Variants in TMEM74 observed in about 807,000 individuals in gnomAD.
TMEM74 encodes the protein transmembrane protein 74.
In TMEM74, 13 loss-of-function variants were observed where a neutral mutation model predicts 18.1. That is an observed-to-expected ratio of 0.72 (90% CI 0.47 to 1.14). The LOEUF (loss-of-function observed/expected upper bound fraction) is 1.14, where lower values mean the gene tolerates loss of function less well. TMEM74 is among the 50% of genes most tolerant of loss of function. The probability of loss-of-function intolerance (pLI) is 0.00; values close to 1 mark genes in which losing one functional copy is unlikely to be tolerated. For missense variants in TMEM74, 372 were observed against 375.9 expected (o/e 0.99, Z 0.09); for synonymous variants, 159 against 146.6 (o/e 1.08, Z -0.61).
chr8:108,703,592 A>T (rs372031919), intron 1 of TMEM74, among the ~76,000 whole-genome samples: 28 of 152,238 alleles, frequency 1.8e-4, no homozygotes, highest in Middle Eastern at 3.2e-3. Flanking sequence ...GAACCCTAAA[A>T]AAAGAGAAGC....
In TMEM74 at chr8:108,614,261, T is replaced by C. The variant is rs540872908; in HGVS notation, n.265-5435A>G. On this transcript the variant is annotated intron_variant and non_coding_transcript_variant, in intron 2 of 3. Transcript: ENST00000518838. Reference sequence around the variant, plus strand: ...TTTCTTTCCCTTTTCTTCTTTTTTATGCTTTAGCCCAAACTAAAGTCATTC... The same window carrying C: ...TTTCTTTCCCTTTTCTTCTTTTTTACGCTTTAGCCCAAACTAAAGTCATTC... Among the ~76,000 whole-genome samples, 50 of 152,320 alleles carry C rather than the reference T, an allele frequency of 3.3e-4. No homozygotes were observed. In the South Asian group the frequency reaches 9.7e-3, roughly 30 times the overall value.
In TMEM74 at chr8:108,683,080, A is replaced by G. The variant is rs528223175; in HGVS notation, n.120-27643T>C. Among the ~76,000 whole-genome samples, 22 of 152,036 alleles carry G rather than the reference A, an allele frequency of 1.4e-4. No homozygotes were observed. In the South Asian group the frequency reaches 3.3e-3, roughly 23 times the overall value. On this transcript the variant is annotated intron_variant and non_coding_transcript_variant, in intron 1 of 3. Transcript: ENST00000518838. ...ATAAAAAACAAATGCAGGATTATCT[A>G]AGAAGGTATAAATTACTTTAAATGA...
At chr8:108,744,791 G>C (rs1333239618) in intron 1 of TMEM74, among the ~76,000 whole-genome samples, 1 of 152,130 alleles carries the variant, frequency 6.6e-6, no homozygotes, top group Non-Finnish European at 1.5e-5. Context: ...CTTGTTTATG[G>C]GAGTACAGCA....
downstream of TMEM74, among the ~76,000 whole-genome samples, chr8:108,774,155 A>G (rs2129649270): frequency 1.3e-5 from 2 of 152,324 alleles, no homozygotes; most frequent in Middle Eastern, 6.8e-3. Flanking sequence ...TAAATAGGAA[A>G]TTAACTATAA....
chr8:108,670,278 G>C (rs1812991166), intron 1 of TMEM74, among the ~76,000 whole-genome samples: 1 of 152,100 alleles, frequency 6.6e-6, no homozygotes, highest in Admixed American at 6.6e-5. Context: ...TTCTAGTGCT[G>C]TGTTCAATAT....
chr8:108,688,714 C>T (rs1466653480), intron 1 of TMEM74, among the ~76,000 whole-genome samples: 1 of 152,188 alleles, frequency 6.6e-6, no homozygotes. Flanking sequence ...GCAAAGGAAA[C>T]ATAATTTGCT....
chr8:108,637,539 G>T (rs2132936), intron 2 of TMEM74, among the ~76,000 whole-genome samples: 32,089 of 151,950 alleles, frequency 0.21, 3,423 homozygotes, highest in East Asian at 0.27. Context: ...AAGGAAATGT[G>T]ATCTCAGAAG....
chr8:108,609,395 C>T (rs1269980802), intron 2 of TMEM74, among the ~76,000 whole-genome samples: 1 of 152,192 alleles, frequency 6.6e-6, no homozygotes, highest in Admixed American at 6.5e-5. Flanking sequence ...CACCTGTAAT[C>T]CCAGCACTTT....
intron 1 of TMEM74, among the ~76,000 whole-genome samples, chr8:108,718,974 A>ATATATACGTGTATACG (rs11281406): frequency 6.7e-6 from 1 of 149,216 alleles, no homozygotes; most frequent in African/African-American, 2.4e-5. Context: ...GTGTGTGTAT[A>ATATATACGTGTATACG]TATATATACG....
chr8:108,730,921 C>T (rs1813688198), intron 1 of TMEM74, among the ~76,000 whole-genome samples: 2 of 152,232 alleles, frequency 1.3e-5, no homozygotes, highest in Middle Eastern at 3.4e-3. Context: ...TGAGCCACCG[C>T]GCCCTGCCAC....
Position 108,780,103 on chromosome 8 carries a change from G to A in TMEM74, c.*4078C>T, listed in dbSNP as rs1814284636. 6.6e-6 allele frequency among the ~76,000 whole-genome samples: 1 copy of A among 152,098 alleles called. No individual in the cohort carries two copies. On this transcript the variant is annotated 3_prime_UTR_variant, in exon 2 of 2. Coordinates refer to ENST00000297459, the MANE Select transcript of TMEM74 (RefSeq NM_153015.3). ...TTCTTTATGTCCAATTCTGGGAAAG[G>A]TTAAACCCATTACAGAGAACAGTAA...
At position 108,657,862 on chromosome 8, in the gene TMEM74, ATATATATATATATAT is replaced by A. The variant is rs1812855926; in HGVS notation, n.120-2440_120-2426del. On this transcript the variant is annotated intron_variant and non_coding_transcript_variant, in intron 1 of 3. Transcript: ENST00000518838. ...CGTCTCAAAAAAAAAAAAAAAAAAT[ATATATATATATATAT>A]ATATATATATATATATATATATATA... 4.0e-3 allele frequency among the ~76,000 whole-genome samples: 194 copies of A among 48,426 alleles called. 11 individuals carry two copies. Among genetic ancestry groups the A allele is most frequent in the African/African-American group, 8.7e-3 (93 of 10,634 alleles). The allele number at this position is 48,426 out of a possible 152,430, so 31.8% of individuals were successfully genotyped here.
intron 1 of TMEM74, among the ~76,000 whole-genome samples, chr8:108,665,189 T>C (rs1221905854): frequency 6.6e-6 from 1 of 152,172 alleles, no homozygotes; most frequent in Non-Finnish European, 1.5e-5. Context: ...TGTATGTGCA[T>C]GTTCTGTGCC....
rs568521214 is a variant in TMEM74 at position 108,699,022 on chromosome 8, G to A, written n.120-43585C>T. On this transcript the variant is annotated intron_variant and non_coding_transcript_variant, in intron 1 of 3. Coordinates refer to the TMEM74 transcript ENST00000518838. ...CAAGAATAATTCCCGGATGAGCTGG[G>A]CAAGATCAGGGCTCTCACTTCCCAT... Among the ~76,000 whole-genome samples, 8 of 152,158 alleles carry A rather than the reference G, an allele frequency of 5.3e-5. No individual in the cohort carries two copies. The East Asian group carries it at 9.7e-4, about 18-fold the overall frequency.
chr8:108,756,679 A>G (rs1586286458), intron 1 of TMEM74, among the ~76,000 whole-genome samples: 1 of 108,742 alleles, frequency 9.2e-6, no homozygotes, highest in African/African-American at 4.1e-5. Context: ...AAAGAAAGAA[A>G]GAAAGAAAGA....
At chr8:108,668,771 T>C (rs1812973946) in intron 1 of TMEM74, among the ~76,000 whole-genome samples, 1 of 152,160 alleles carries the variant, frequency 6.6e-6, no homozygotes, top group Non-Finnish European at 1.5e-5. Context: ...TAAACATATT[T>C]ATACAAAAAA....
chr8:108,772,749 T>C (rs1363336418), intron 1 of TMEM74, among the ~76,000 whole-genome samples: 3 of 152,146 alleles, frequency 2.0e-5, no homozygotes, highest in African/African-American at 7.2e-5. Context: ...TTGGTAACTT[T>C]AACCTCAAGC....
At chr8:108,678,492 G>C (rs1037798492) in intron 1 of TMEM74, among the ~76,000 whole-genome samples, 6 of 150,698 alleles carry the variant, frequency 4.0e-5, no homozygotes, top group Admixed American at 2.6e-4. Flanking sequence ...AGCCTCTCAA[G>C]TAGCTGAGAT....
chr8:108,690,362 A>G (rs1813213092), intron 1 of TMEM74, among the ~76,000 whole-genome samples: 1 of 150,932 alleles, frequency 6.6e-6, no homozygotes, highest in Non-Finnish European at 1.5e-5. Flanking sequence ...GTGGCAATCT[A>G]AATTACAATA....
Sources: gnomAD v4.1 joint callset for allele counts (sites outside exome capture counted in the v4.1 genomes callset) on GRCh38, gnomAD v4.1.1 for gene constraint, MANE v1.5 for transcripts, NCBI Gene and HGNC (gene_info 2026-07-23, HGNC 2026-07-21) for gene names.